The following DNAH11 variants were observed in gnomAD, a reference collection of about 807,000 sequenced individuals.
DNAH11 encodes the protein axonemal beta dynein heavy chain 11.
Under a neutral mutation model 526.0 loss-of-function variants are expected in DNAH11, and 442 were observed. That is an observed-to-expected ratio of 0.84 (90% confidence interval 0.78 to 0.91). The LOEUF (loss-of-function observed/expected upper bound fraction) is 0.91, where lower values mean the gene tolerates loss of function less well. DNAH11 is among the 40% of genes least tolerant of loss of function. DNAH11 has a pLI of 0.00. For missense variants in DNAH11, 6,989 were observed against 5,448.7 expected (o/e 1.28, Z -8.90); for synonymous variants, 2,461 against 1,935.9 (o/e 1.27, Z -7.12).
intron 45 of DNAH11, among the ~76,000 whole-genome samples, chr7:21,730,941 C>T (rs1388864800): frequency 1.3e-5 from 2 of 151,868 alleles, no homozygotes; most frequent in African/African-American, 2.4e-5. Context: ...GTCAGGAGTT[C>T]GAGACCAACC....
intron 30 of DNAH11, among the ~76,000 whole-genome samples, chr7:21,677,014 A>T (rs1471029526): frequency 6.6e-6 from 1 of 152,238 alleles, no homozygotes; most frequent in Non-Finnish European, 1.5e-5. Context: ...ATCGAATAAG[A>T]TGGATGCTGT....
At chr7:21,870,491 G>A (rs527456959) in intron 73 of DNAH11, among the ~76,000 whole-genome samples, 2 of 151,798 alleles carry the variant, frequency 1.3e-5, no homozygotes, top group South Asian at 2.1e-4. Flanking sequence ...AGGAGGGTTC[G>A]CTTTTTCAGA....
chr7:21,897,133 G>A (rs1011004485), intron 79 of DNAH11, among the ~76,000 whole-genome samples: 17 of 151,998 alleles, frequency 1.1e-4, no homozygotes, highest in African/African-American at 4.1e-4. Context: ...TTATATTTTT[G>A]GAAGGGTGCC....
Position 21,615,106 on chromosome 7 carries a change from C to T in DNAH11, c.3853-8C>T, listed in dbSNP as rs766175133. ...GTTTGTATGCAGGTGTTTATGTTCTCTCCTTAGGCAAATGAAGAGCTTGAG... is the reference window on the plus strand; with the variant it reads ...GTTTGTATGCAGGTGTTTATGTTCTTTCCTTAGGCAAATGAAGAGCTTGAG... On this transcript the variant is annotated splice_region_variant and splice_polypyrimidine_tract_variant and intron_variant, in intron 20 of 81. Coordinates refer to ENST00000409508, the MANE Select transcript of DNAH11 (RefSeq NM_001277115.2). 1.2e-6 allele frequency: 2 copies of T among 1,605,278 alleles called. No individual in the cohort carries two copies. Among genetic ancestry groups the T allele is most frequent in the Non-Finnish European group, 1.7e-6 (2 of 1,176,884 alleles).
chr7:21,850,267 A>G (rs538520135), intron 66 of DNAH11, among the ~76,000 whole-genome samples: 26 of 151,126 alleles, frequency 1.7e-4, no homozygotes, highest in Middle Eastern at 3.4e-3. Context: ...GAGGCAGGAG[A>G]ATGGCGTGAA....
rs1785934565 is a variant in DNAH11, at chr7:21,742,153, CA to C, written c.8144del (p.Asn2715ThrfsTer14). On this transcript the variant is annotated frameshift_variant, in exon 49 of 82. Coordinates refer to ENST00000409508, the MANE Select transcript of DNAH11 (RefSeq NM_001277115.2). LOFTEE classifies it high-confidence loss of function. Reference sequence around the variant, plus strand: ...TACATCTTTAATCTGAGAGATTTATCAAACGTCTTCCAGGTACCTTGACTGC... The same window carrying C: ...TACATCTTTAATCTGAGAGATTTATCAACGTCTTCCAGGTACCTTGACTGC... ...FHYIFNLRDL[S>X]NVFQGILFAS... 1 of 1,613,732 alleles carries C rather than the reference CA, an allele frequency of 6.2e-7. No individual in the cohort carries two copies. Among genetic ancestry groups the C allele is most frequent in the Non-Finnish European group, 8.5e-7 (1 of 1,179,796 alleles).
rs753925767 is a variant in DNAH11, at chr7:21,852,527, C to T, written c.10957C>T (p.Leu3653Phe). 1.2e-6 allele frequency: 2 copies of T among 1,613,652 alleles called. No individual in the cohort carries two copies. Among genetic ancestry groups the T allele is most frequent in the Non-Finnish European group, 1.7e-6 (2 of 1,179,752 alleles). Reference protein sequence around the residue: ...KIELKYLEDDLLLRLSAAEGS... With the variant: ...KIELKYLEDDFLLRLSAAEGS... ...TGAGCTCAAGTATCTGGAAGACGAT[C>T]TCCTTTTGCGCCTTTCTGCGGCAGA... The change falls in exon 67 of 82, where the codon CTC becomes TTC. Residue 3653 changes from leucine (L) to phenylalanine (F), a missense_variant. By Grantham distance (22) the Leu-to-Phe change is conservative. Coordinates refer to ENST00000409508, the MANE Select transcript of DNAH11 (RefSeq NM_001277115.2).
At chr7:21,734,733 C>T (rs1785529519) in intron 45 of DNAH11, among the ~76,000 whole-genome samples, 1 of 152,076 alleles carries the variant, frequency 6.6e-6, no homozygotes, top group Non-Finnish European at 1.5e-5. Flanking sequence ...TGGTGCATGC[C>T]TGTAGTCTCA....
At chr7:21,781,336 C>T (rs780995772) in intron 57 of DNAH11, among the ~76,000 whole-genome samples, 1 of 152,190 alleles carries the variant, frequency 6.6e-6, no homozygotes, top group Non-Finnish European at 1.5e-5. Context: ...AGGTTGAAAT[C>T]ATTGCTTCAA....
intron 8 of DNAH11, among the ~76,000 whole-genome samples, chr7:21,578,587 C>A (rs1414425521): frequency 6.6e-6 from 1 of 152,230 alleles, no homozygotes. Context: ...CCTCTTCTCA[C>A]AGCTCCACTA....
chr7:21,781,726 A>G (rs1787948447), intron 57 of DNAH11, among the ~76,000 whole-genome samples: 1 of 152,186 alleles, frequency 6.6e-6, no homozygotes, highest in Non-Finnish European at 1.5e-5. Flanking sequence ...AGTGCACTGT[A>G]TCCACTTGCT....
At chr7:21,620,226 A>AT (rs1487279754) in intron 25 of DNAH11, 148 bp downstream of exon 25, 86 of 707,238 alleles carry the variant, frequency 1.2e-4, no homozygotes, top group Middle Eastern at 4.0e-4. Flanking sequence ...TACACTTAAC[A>AT]TTTTTTTTGT....
At position 21,880,850 on chromosome 7, in the gene DNAH11, T is replaced by C. The variant is rs371418299; in HGVS notation, c.12344T>C (p.Ile4115Thr). Residue 4115 changes from isoleucine (I) to threonine (T), a missense_variant, in exon 75 of 82, where the codon ATT becomes ACT. By Grantham distance (89) the Ile-to-Thr change is moderately conservative. Transcript: ENST00000409508. ...SYPFNPGDLT[I>T]CASVLYNYLE... ...CCTTTTAATCCTGGAGACCTCACCA[T>C]TTGTGCCAGTGTCCTCTACAACTAC... 9.9e-6 allele frequency: 16 copies of C among 1,613,542 alleles called. No individual in the cohort carries two copies. In the South Asian group the frequency reaches 1.4e-4, roughly 14 times the overall value.
intron 76 of DNAH11, among the ~76,000 whole-genome samples, chr7:21,891,560 T>C (rs1358890654): frequency 6.6e-6 from 1 of 152,222 alleles, no homozygotes; most frequent in Non-Finnish European, 1.5e-5. Context: ...TTTTGTTACA[T>C]TTTGAAGTTC....
chr7:21,854,553 A>G lies in DNAH11; in HGVS notation c.11202+98A>G, dbSNP rs1782761732. 5 of 1,232,534 alleles carry G rather than the reference A, an allele frequency of 4.1e-6. No individual in the cohort carries two copies. The South Asian group carries it at 4.9e-5, about 12-fold the overall frequency. 76.3% of individuals were successfully genotyped at this position (1,232,534 alleles called of 1,614,324 possible). On this transcript the variant is annotated intron_variant, in intron 68 of 81. Transcript: ENST00000409508. ...TTTATTATTGATAATAATAATAACTATTATTACTATTATTGAGACAGAGTC... is the reference window on the plus strand; with the variant it reads ...TTTATTATTGATAATAATAATAACTGTTATTACTATTATTGAGACAGAGTC...
intron 8 of DNAH11, among the ~76,000 whole-genome samples, chr7:21,573,454 A>G (rs924495905): frequency 1.3e-5 from 2 of 152,268 alleles, no homozygotes; most frequent in African/African-American, 4.8e-5. Flanking sequence ...TAAAACATGA[A>G]TTAACTAAAA....
rs199627577 is a variant in DNAH11 at position 21,866,481 on chromosome 7, C to A, written c.11508C>A (p.Val3836=). The A allele has an allele frequency of 5.6e-6, 9 of 1,610,496 alleles. No homozygotes were observed. The highest frequency in any genetic ancestry group is 5.1e-5 in the Admixed American group (3 of 59,236). ...CTATCATATTACAGGCAATTGCCGTCATGGAAGAATTTCGAGGCATAGACC... is the reference window on the plus strand; with the variant it reads ...CTATCATATTACAGGCAATTGCCGTAATGGAAGAATTTCGAGGCATAGACC... ...QSWSAIKAIA[V]MEEFRGIDRD... is the part of the protein sequence containing the mutation. Residue 3836 remains valine (V), a synonymous_variant, in exon 71 of 82, where the codon GTC becomes GTA. Coordinates refer to ENST00000409508, the MANE Select transcript of DNAH11 (RefSeq NM_001277115.2).
chr7:21,729,361 A>G (rs528112497), intron 45 of DNAH11, among the ~76,000 whole-genome samples: 10 of 152,086 alleles, frequency 6.6e-5, no homozygotes, highest in Admixed American at 4.6e-4. Context: ...TTACACCCCT[A>G]ATTTCTTTAT....
intron 18 of DNAH11, among the ~76,000 whole-genome samples, chr7:21,603,075 C>T (rs1785154649): frequency 1.3e-5 from 2 of 152,178 alleles, no homozygotes; most frequent in African/African-American, 4.8e-5. Flanking sequence ...CCCTACCCAC[C>T]AATCCTTGGC....
Sources: allele counts gnomAD v4.1 joint callset (sites outside exome capture counted in the v4.1 genomes callset), GRCh38; gene constraint gnomAD v4.1.1; transcripts MANE v1.5; gene names NCBI Gene and HGNC (gene_info 2026-07-23, HGNC 2026-07-21).